Variants in SAMD5 observed in about 807,000 individuals in gnomAD.
SAMD5 encodes the protein sterile alpha motif domain-containing protein 5.
SAMD5 carries 13 observed loss-of-function variants against 11.3 expected under a neutral mutation model. That is an observed-to-expected ratio of 1.15 (90% CI 0.75 to 1.83). SAMD5 has a LOEUF of 1.83. Among genes scored for constraint, SAMD5 ranks in the 40% most tolerant of loss-of-function variants. The pLI, the probability that SAMD5 is intolerant of heterozygous loss-of-function variation, is 0.00. For missense variants in SAMD5, 255 were observed against 239.1 expected (o/e 1.07, Z -0.44); for synonymous variants, 129 against 111.3 (o/e 1.16, Z -1.00).
At position 147,564,616 on chromosome 6, in the gene SAMD5, T is replaced by C; in HGVS notation, c.*160T>C. The C allele has an allele frequency of 7.0e-7, 1 of 1,425,416 alleles. No individual in the cohort carries two copies. The highest frequency in any genetic ancestry group is 2.5e-5 in the East Asian group (1 of 39,234). 88.3% of individuals were successfully genotyped at this position (1,425,416 alleles called of 1,614,324 possible). On this transcript the variant is annotated 3_prime_UTR_variant, in exon 2 of 2. Coordinates refer to ENST00000367474, the MANE Select transcript of SAMD5 (RefSeq NM_001030060.3). ...ACAAATTCTGGAATAATCAACTTAG[T>C]AAACTGGGTAACTGGCTTATAACAG...
At chr6:147,899,189 A>AAAAAAAAAAGAAAAG in the SAMD5 span, among the ~76,000 whole-genome samples, 1 of 123,458 alleles carries the variant, frequency 8.1e-6, no homozygotes, top group African/African-American at 3.8e-5. Context: ...AAAAAAAAAA[A>AAAAAAAAAAGAAAAG]AAAAGATAAC....
At chr6:147,742,419 G>A (rs1386862329), downstream of SAMD5, among the ~76,000 whole-genome samples, 6 of 152,100 alleles carry the variant, frequency 3.9e-5, no homozygotes, top group Non-Finnish European at 5.9e-5. Flanking sequence ...CGTGACCTGC[G>A]TGTTTTAAGA....
the SAMD5 span, among the ~76,000 whole-genome samples, chr6:147,818,609 C>T: frequency 1.3e-5 from 2 of 152,134 alleles, no homozygotes; most frequent in Non-Finnish European, 2.9e-5. Context: ...CTGTAATCAT[C>T]CAACACTCCT....
intron 1 of SAMD5, among the ~76,000 whole-genome samples, chr6:147,517,492 G>T (rs2780850): frequency 6.6e-6 from 1 of 151,590 alleles, no homozygotes; most frequent in Non-Finnish European, 1.5e-5. Flanking sequence ...CTAATGATAG[G>T]GGTGTTTGAT....
chr6:147,566,275 T>G lies in SAMD5; in HGVS notation c.*1819T>G, dbSNP rs1583086586. On this transcript the variant is annotated 3_prime_UTR_variant, in exon 2 of 2. Transcript: ENST00000367474. Reference sequence around the variant, plus strand: ...TAGTTTCATCAGGATTATATTCCAGTTAACCTTTCATCTTTTTTTTTTTTC... The same window carrying G: ...TAGTTTCATCAGGATTATATTCCAGGTAACCTTTCATCTTTTTTTTTTTTC... 5 of 979,928 alleles carry G rather than the reference T, an allele frequency of 5.1e-6. No homozygotes were observed. Among genetic ancestry groups the G allele is most frequent in the South Asian group, 9.5e-5 (2 of 21,152 alleles). The allele number at this position is 979,928 out of a possible 1,614,324, so 60.7% of individuals were successfully genotyped here. A position where few individuals can be genotyped will look rare whatever the true frequency, so the allele number is the denominator to read the frequency against.
intron 1 of SAMD5, among the ~76,000 whole-genome samples, chr6:147,651,678 A>G (rs1206520688): frequency 6.6e-6 from 1 of 152,210 alleles, no homozygotes; most frequent in East Asian, 1.9e-4. Flanking sequence ...ATCCATGAGA[A>G]ATATATTTCT....
At chr6:147,918,688 C>CT in the SAMD5 span, among the ~76,000 whole-genome samples, 2,090 of 99,384 alleles carry the variant, frequency 0.021, 156 homozygotes, top group Non-Finnish European at 0.026. Context: ...CACAAGCATT[C>CT]TTTTTTTTTT....
the SAMD5 span, among the ~76,000 whole-genome samples, chr6:147,929,205 A>G: frequency 6.6e-6 from 1 of 152,172 alleles, no homozygotes; most frequent in Non-Finnish European, 1.5e-5. Context: ...ATGGGTTTAA[A>G]TATTCCCAAA....
At chr6:147,946,521 A>G in the SAMD5 span, among the ~76,000 whole-genome samples, 2 of 152,178 alleles carry the variant, frequency 1.3e-5, no homozygotes, top group Non-Finnish European at 1.5e-5. Flanking sequence ...TTCATGTTCT[A>G]TAATATCTTT....
rs1282833805 is a variant in SAMD5, at chr6:147,730,347, A to G, written c.163-6970A>G. The G allele has an allele frequency of 3.4e-5, 8 of 233,026 alleles. No individual in the cohort carries two copies. The East Asian group carries it at 8.0e-4, about 23-fold the overall frequency. The allele number at this position is 233,026 out of a possible 1,614,324, so 14.4% of individuals were successfully genotyped here. On this transcript the variant is annotated intron_variant, in intron 1 of 1. Coordinates refer to the SAMD5 transcript ENST00000566741. ...CAAGGATAAAAGTGGGGAGAACAGT[A>G]TGGGGGTGCCTACAATAACCTCAAC...
chr6:147,651,583 GAC>G (rs1299314534), intron 1 of SAMD5, among the ~76,000 whole-genome samples: 1 of 152,156 alleles, frequency 6.6e-6, no homozygotes, highest in East Asian at 1.9e-4. Context: ...ACCGTGTGAG[GAC>G]ACAGTGAGAA....
At chr6:147,661,740 C>CT (rs1228665288) in intron 1 of SAMD5, among the ~76,000 whole-genome samples, 1 of 152,162 alleles carries the variant, frequency 6.6e-6, no homozygotes, top group Non-Finnish European at 1.5e-5. Context: ...AGCGATTCTC[C>CT]TGCCTCAGCC....
chr6:147,733,008 C>G (rs1583157950), intron 1 of SAMD5, among the ~76,000 whole-genome samples: 1 of 152,216 alleles, frequency 6.6e-6, no homozygotes, highest in Non-Finnish European at 1.5e-5. Flanking sequence ...CTACTGGAAG[C>G]TTTTGTGTAT....
At chr6:147,746,176 C>T in the SAMD5 span, among the ~76,000 whole-genome samples, 1 of 152,214 alleles carries the variant, frequency 6.6e-6, no homozygotes, top group Non-Finnish European at 1.5e-5. Context: ...AAGAAGCTCA[C>T]TCCTCTGGAT....
At chr6:147,899,406 G>T in the SAMD5 span, among the ~76,000 whole-genome samples, 1 of 152,124 alleles carries the variant, frequency 6.6e-6, no homozygotes, top group African/African-American at 2.4e-5. Context: ...CAGGCCCACA[G>T]TGTGTGTTTA....
At chr6:147,778,134 A>AT in the SAMD5 span, among the ~76,000 whole-genome samples, 1 of 152,060 alleles carries the variant, frequency 6.6e-6, no homozygotes, top group Non-Finnish European at 1.5e-5. Flanking sequence ...AACAATTGTT[A>AT]TTTTTTTATA....
the SAMD5 span, among the ~76,000 whole-genome samples, chr6:147,809,493 C>A: frequency 6.6e-6 from 1 of 151,956 alleles, no homozygotes; most frequent in African/African-American, 2.4e-5. Flanking sequence ...AAAAAAAACT[C>A]AGGGAAAATA....
the SAMD5 span, among the ~76,000 whole-genome samples, chr6:147,891,334 A>G: frequency 6.6e-6 from 1 of 152,234 alleles, no homozygotes; most frequent in Non-Finnish European, 1.5e-5. Context: ...TGAAAGAGAA[A>G]AAGTTCAAAG....
chr6:147,757,295 G>A, the SAMD5 span, among the ~76,000 whole-genome samples: 1 of 152,244 alleles, frequency 6.6e-6, no homozygotes, highest in East Asian at 1.9e-4. Context: ...TACTATAGGG[G>A]TGTCTTTGCT....
Sources: gnomAD v4.1 joint callset for allele counts (sites outside exome capture counted in the v4.1 genomes callset) on GRCh38, gnomAD v4.1.1 for gene constraint, MANE v1.5 for transcripts, NCBI Gene and HGNC (gene_info 2026-07-23, HGNC 2026-07-21) for gene names.